Variants in NDST4 observed in about 807,000 individuals in gnomAD.
The protein encoded by NDST4 is N-deacetylase and N-sulfotransferase 4, also known as N-heparan sulfate sulfotransferase 4.
NDST4 carries 63 observed loss-of-function variants against 100.8 expected under a neutral mutation model. The observed-to-expected ratio is 0.62, with a 90% confidence interval of 0.51 to 0.77. The LOEUF is 0.77. Ranked by LOEUF, NDST4 falls within the 30% of genes least tolerant of loss-of-function variation. The probability of loss-of-function intolerance (pLI) is 0.00; values close to 1 mark genes in which losing one functional copy is unlikely to be tolerated. For missense variants in NDST4, 943 were observed against 1,018.4 expected (o/e 0.93, Z 1.01); for synonymous variants, 377 against 361.8 (o/e 1.04, Z -0.48).
intron 10 of NDST4, 109 bp downstream of exon 10, chr4:114,845,714 A>G (rs1723533052): frequency 1.1e-5 from 11 of 990,306 alleles, no homozygotes; most frequent in Non-Finnish European, 1.6e-5. Context: ...GGGTTTAGAT[A>G]TTCTTACATT....
In NDST4 at chr4:115,077,139, T is replaced by C. The variant is rs1381630209; in HGVS notation, c.-103A>G. On this transcript the variant is annotated 5_prime_UTR_variant, in exon 2 of 14. The change abolishes an upstream ATG in the 5' untranslated region. Transcript: ENST00000264363. ...GCAAATATCACTTCCCCAGAGTTCA[T>C]GTAACCATCGCAAATCATGTAAAAT... is the stretch of plus-strand genomic sequence containing the variant. 2.7e-6 allele frequency: 3 copies of C among 1,091,874 alleles called. No homozygotes were observed. Among genetic ancestry groups the C allele is most frequent in the East Asian group, 5.1e-5 (2 of 38,964 alleles). The allele number at this position is 1,091,874 out of a possible 1,614,324, so 67.6% of individuals were successfully genotyped here.
intron 7 of NDST4, among the ~76,000 whole-genome samples, chr4:114,870,253 G>T (rs950324143): frequency 1.3e-5 from 2 of 152,140 alleles, no homozygotes; most frequent in Non-Finnish European, 2.9e-5. Context: ...ATTAGTGAAA[G>T]ATCTGTTAGA....
At chr4:114,924,733 A>G (rs1725355262) in intron 6 of NDST4, among the ~76,000 whole-genome samples, 1 of 152,186 alleles carries the variant, frequency 6.6e-6, no homozygotes, top group Admixed American at 6.5e-5. Flanking sequence ...AATGGGTACA[A>G]ACATACAGTT....
At chr4:115,003,081 G>A (rs1727333319) in intron 2 of NDST4, among the ~76,000 whole-genome samples, 1 of 152,096 alleles carries the variant, frequency 6.6e-6, no homozygotes, top group South Asian at 2.1e-4. Flanking sequence ...CCTGACCAGG[G>A]CTGCAGGGAC....
intron 2 of NDST4, among the ~76,000 whole-genome samples, chr4:115,041,329 CA>C (rs1728347887): frequency 6.6e-6 from 1 of 151,962 alleles, no homozygotes; most frequent in Non-Finnish European, 1.5e-5. Context: ...ACTTATTTAA[CA>C]AAAGACTTTT....
At chr4:114,871,647 C>A (rs538409021) in intron 6 of NDST4, among the ~76,000 whole-genome samples, 3 of 151,950 alleles carry the variant, frequency 2.0e-5, no homozygotes, top group Non-Finnish European at 4.4e-5. Context: ...TTAGGCATTG[C>A]AGCAGGGATT....
At chr4:114,986,809 T>C (rs868538723) in intron 2 of NDST4, among the ~76,000 whole-genome samples, 11 of 116,096 alleles carry the variant, frequency 9.5e-5, no homozygotes, top group African/African-American at 1.4e-4. Context: ...TATATATATA[T>C]ATATATATAT....
intron 4 of NDST4, among the ~76,000 whole-genome samples, chr4:114,957,620 A>G (rs1006182335): frequency 2.0e-5 from 3 of 152,222 alleles, no homozygotes; most frequent in African/African-American, 7.2e-5. Flanking sequence ...TACTTTCAGC[A>G]TTAACTTAAA....
chr4:114,892,297 T>G (rs2126206619), intron 6 of NDST4, among the ~76,000 whole-genome samples: 1 of 152,296 alleles, frequency 6.6e-6, no homozygotes, highest in Non-Finnish European at 1.5e-5. Context: ...AATAATTTAC[T>G]TTGTGCTTTT....
intron 6 of NDST4, among the ~76,000 whole-genome samples, chr4:114,923,749 T>A (rs1725333623): frequency 6.6e-6 from 1 of 152,082 alleles, no homozygotes; most frequent in South Asian, 2.1e-4. Context: ...AAAGGTTTTA[T>A]CTGCTGACTA....
chr4:115,047,898 T>C (rs1414783769), intron 2 of NDST4, among the ~76,000 whole-genome samples: 1 of 152,134 alleles, frequency 6.6e-6, no homozygotes, highest in East Asian at 1.9e-4. Context: ...CAAATTGTAA[T>C]AGAATTAATA....
chr4:114,986,802 A>G (rs1418500349), intron 2 of NDST4, among the ~76,000 whole-genome samples: 4 of 25,720 alleles, frequency 1.6e-4, no homozygotes, highest in African/African-American at 3.2e-4. Context: ...ACATATATAT[A>G]TATATATATA....
At position 115,076,665 on chromosome 4, in the gene NDST4, G is replaced by T; in HGVS notation, c.372C>A (p.Gly124=). The change falls in exon 2 of 14, where the codon GGC becomes GGA. Residue 124 remains glycine (G), a synonymous_variant. Transcript: ENST00000264363. ...AAATAACTAAAGTATATTTCCCTTTGCCATTATCTGTAAGAGGAGGTATAT... is the reference window on the plus strand; with the variant it reads ...AAATAACTAAAGTATATTTCCCTTTTCCATTATCTGTAAGAGGAGGTATAT... The part of the protein sequence containing the change: ...KGDIPPLTDN[G]KGKYTLVIYE... The T allele has an allele frequency of 1.2e-6, 2 of 1,613,704 alleles. No homozygotes were observed. The highest frequency in any genetic ancestry group is 4.5e-5 in the East Asian group (2 of 44,756).
chr4:115,112,268 A>G (rs1454089742), intron 1 of NDST4, among the ~76,000 whole-genome samples: 1 of 151,742 alleles, frequency 6.6e-6, no homozygotes, highest in Non-Finnish European at 1.5e-5. Flanking sequence ...GGGAAATTCA[A>G]CCAATTACAA....
At chr4:114,950,759 T>C (rs147774185) in intron 4 of NDST4, among the ~76,000 whole-genome samples, 79 of 152,210 alleles carry the variant, frequency 5.2e-4, no homozygotes, top group Middle Eastern at 3.4e-3. Flanking sequence ...TCCCACCTAC[T>C]TATTTTTCAC....
chr4:114,930,027 G>T (rs1036757), intron 6 of NDST4, among the ~76,000 whole-genome samples: 23,632 of 152,064 alleles, frequency 0.16, 2,732 homozygotes, highest in African/African-American at 0.32. Context: ...GTATGATGAA[G>T]TGACTCTTAC....
intron 7 of NDST4, among the ~76,000 whole-genome samples, chr4:114,860,822 G>T (rs1192239578): frequency 6.6e-6 from 1 of 152,176 alleles, no homozygotes; most frequent in Non-Finnish European, 1.5e-5. Flanking sequence ...AGGAGCTTGT[G>T]CAAGAATGTG....
intron 6 of NDST4, among the ~76,000 whole-genome samples, chr4:114,898,078 A>G (rs1724755456): frequency 6.6e-6 from 1 of 152,068 alleles, no homozygotes; most frequent in South Asian, 2.1e-4. Flanking sequence ...CTCATCAATT[A>G]TTTCTTTCAT....
At chr4:114,984,063 C>T (rs556806993) in intron 2 of NDST4, among the ~76,000 whole-genome samples, 101 of 152,282 alleles carry the variant, frequency 6.6e-4, no homozygotes, top group Non-Finnish European at 3.4e-4. Context: ...CCATGTAGAA[C>T]TGTGAGTGAA....
Sources: gnomAD v4.1 joint callset for allele counts (sites outside exome capture counted in the v4.1 genomes callset) on GRCh38, gnomAD v4.1.1 for gene constraint, MANE v1.5 for transcripts, NCBI Gene and HGNC (gene_info 2026-07-23, HGNC 2026-07-21) for gene names.